The following POLRMT variants were observed in gnomAD, a reference collection of about 807,000 sequenced individuals.
POLRMT encodes the protein DNA-directed RNA polymerase, mitochondrial.
A neutral mutation model predicts 132.2 loss-of-function variants in POLRMT; 114 were observed. The observed-to-expected ratio is 0.86, with a 90% CI of 0.74 to 1.01. The LOEUF is 1.01. POLRMT is among the 50% of genes least tolerant of loss of function. The pLI, the probability that POLRMT is intolerant of heterozygous loss-of-function variation, is 0.00. For missense variants in POLRMT, 2,003 were observed against 1,729.1 expected (o/e 1.16, Z -2.81); for synonymous variants, 1,020 against 773.4 (o/e 1.32, Z -5.29).
At position 622,834 on chromosome 19, in the gene POLRMT, C is replaced by T. The variant is rs146178977; in HGVS notation, c.1442G>A (p.Arg481Gln). 2.5e-6 allele frequency: 4 copies of T among 1,596,924 alleles called. No homozygotes were observed. The highest frequency in any genetic ancestry group is 2.6e-6 in the Non-Finnish European group (3 of 1,172,730). ...AGGAAGACGCACCTGCAGGAGCATCCGCACCACCTCGCGCTCGTCCAGCAG... is the reference window on the plus strand; with the variant it reads ...AGGAAGACGCACCTGCAGGAGCATCTGCACCACCTCGCGCTCGTCCAGCAG... ...LCLLDEREVV[R>Q]MLLQVLQALP... Residue 481 changes from arginine to glutamine, a missense_variant, in exon 7 of 21, where the codon CGG becomes CAG. Transcript: ENST00000588649.
At chr19:618,180 T>C (rs1477304290) in intron 17 of POLRMT, 2 of 543,942 alleles carry the variant, frequency 3.7e-6, no homozygotes, top group Non-Finnish European at 6.6e-6. Flanking sequence ...CCGTGGCCGG[T>C]AGATTCTGCT....
intron 10 of POLRMT, 83 bp downstream of exon 10, chr19:620,975 G>A: frequency 1.2e-6 from 1 of 838,686 alleles, no homozygotes; most frequent in South Asian, 2.4e-5. Flanking sequence ...GGGGGCGCGG[G>A]GGCGCCGGGG....
Position 621,312 on chromosome 19 carries a change from G to A in POLRMT, c.2386C>T (p.Leu796=), listed in dbSNP as rs760600753. 2 of 1,597,994 alleles carry A rather than the reference G, an allele frequency of 1.3e-6. No homozygotes were observed. The highest frequency in any genetic ancestry group is 2.2e-5 in the South Asian group (2 of 90,470). The change falls in exon 10 of 21, where the codon CTG becomes TTG. Residue 796 remains leucine (L), a synonymous_variant. Transcript: ENST00000588649. ...AQHLRDRVFW[L]PHNMDFRGRT... ...CCGCGGAAGTCCATGTTGTGCGGCA[G>A]CCAGAAGACGCGGTCCCGCAGGTGC...
intron 17 of POLRMT, 28 bp from the exon 18 acceptor site, chr19:617,877 G>A: frequency 6.2e-7 from 1 of 1,608,768 alleles, no homozygotes; most frequent in East Asian, 2.2e-5. Context: ...ACTCCTGAAG[G>A]GAGGGGAGCT....
intron 5 of POLRMT, among the ~76,000 whole-genome samples, chr19:624,297 G>C (rs916632851): frequency 6.6e-6 from 1 of 152,208 alleles, no homozygotes; most frequent in African/African-American, 2.4e-5. Flanking sequence ...GGGGAGTGAC[G>C]GGGATGGGGA....
chr19:618,890 T>G, intron 15 of POLRMT, 107 bp downstream of exon 15: 1 of 1,356,594 alleles, frequency 7.4e-7, no homozygotes, highest in Non-Finnish European at 1.0e-6. Context: ...GGTGGCACAC[T>G]GGGGCGGTGG....
At position 622,945 on chromosome 19, in the gene POLRMT, G is replaced by A. The variant is rs148655029; in HGVS notation, c.1331C>T (p.Ala444Val). 619 of 1,612,860 alleles carry A rather than the reference G, an allele frequency of 3.8e-4. No individual in the cohort carries two copies. Among genetic ancestry groups the A allele is most frequent in the Non-Finnish European group, 4.8e-4 (567 of 1,179,944 alleles). Residue 444 changes from alanine to valine, a missense_variant, in exon 7 of 21, where the codon GCA becomes GTA. Physicochemically the swap from Ala to Val is moderately conservative, Grantham distance 64. Coordinates refer to ENST00000588649, the MANE Select transcript of POLRMT (RefSeq NM_005035.4). Reference protein sequence around the residue: ...LKTLRDQWEKALCRALRETKN... With the variant: ...LKTLRDQWEKVLCRALRETKN... ...GGTCTCCCGCAGCGCCCGGCACAGT[G>A]CTTTCTCCCATTGGTCCCGCAGGGT... is the stretch of plus-strand genomic sequence containing the variant.
chr19:624,471 C>A (rs1217983417), intron 5 of POLRMT, among the ~76,000 whole-genome samples: 2 of 152,182 alleles, frequency 1.3e-5, no homozygotes. Flanking sequence ...AAACGCACTG[C>A]TCTCCTGTCA....
chr19:631,786 G>A (rs1985437789), intron 2 of POLRMT, among the ~76,000 whole-genome samples: 1 of 152,192 alleles, frequency 6.6e-6, no homozygotes, highest in African/African-American at 2.4e-5. Context: ...TCGTTGCCCA[G>A]GCTAGAGTGC....
intron 3 of POLRMT, among the ~76,000 whole-genome samples, chr19:628,361 G>T (rs1350192517): frequency 6.6e-6 from 1 of 152,176 alleles, no homozygotes; most frequent in South Asian, 2.1e-4. Context: ...CAGTCCTCCC[G>T]GAGTCTGGCG....
At chr19:632,334 A>T (rs952096906) in intron 2 of POLRMT, among the ~76,000 whole-genome samples, 2 of 152,140 alleles carry the variant, frequency 1.3e-5, no homozygotes, top group African/African-American at 4.8e-5. Flanking sequence ...GGAAGCAAGC[A>T]CAGGGAAGCT....
In POLRMT at chr19:622,235, T is replaced by C. The variant is rs1260021501; in HGVS notation, c.1765A>G (p.Met589Val). ...LAEMLVQATQ[M>V]PCSLDKPHRS... The stretch of plus-strand genomic sequence containing the variant: ...TGCGGCTTGTCCAGGCTGCATGGCA[T>C]CTGCGTAGCCTGCACCAGCATCTCC... The change falls in exon 9 of 21, where the codon ATG becomes GTG. Residue 589 changes from methionine (M) to valine (V), a missense_variant. Met to Val is a conservative substitution (Grantham distance 21, BLOSUM62 1). Coordinates refer to ENST00000588649, the MANE Select transcript of POLRMT (RefSeq NM_005035.4). 1.3e-6 allele frequency: 2 copies of C among 1,561,404 alleles called. No individual in the cohort carries two copies. Among genetic ancestry groups the C allele is most frequent in the Admixed American group, 1.9e-5 (1 of 52,894 alleles).
chr19:620,677 G>A (rs186792006), intron 10 of POLRMT, among the ~76,000 whole-genome samples, 190 bp from the exon 11 acceptor site: 35 of 149,568 alleles, frequency 2.3e-4, no homozygotes, highest in African/African-American at 8.6e-4. Flanking sequence ...GAGGATGGGA[G>A]CTGCGGGTGG....
intron 5 of POLRMT, 149 bp downstream of exon 5, chr19:624,570 A>G (rs759624800): frequency 2.2e-6 from 2 of 918,662 alleles, no homozygotes; most frequent in Non-Finnish European, 1.6e-6. Flanking sequence ...GGGTCCTCCC[A>G]TCTTCTCAGA....
Position 620,160 on chromosome 19 carries a change from G to GCCAA in POLRMT, c.2764-81_2764-80insTTGG, listed in dbSNP as rs1476373299. The GCCAA allele has an allele frequency of 4.6e-6, 7 of 1,514,544 alleles. No homozygotes were observed. The African/African-American group carries it at 9.6e-5, about 21-fold the overall frequency. The allele number at this position is 1,514,544 out of a possible 1,614,324, so 93.8% of individuals were successfully genotyped here. ...GACCCCAAACCACCCCCCAGGTCGAGCCGTTCCTAGGGCCGTGCACCCCCC... is the reference window on the plus strand; with the variant it reads ...GACCCCAAACCACCCCCCAGGTCGAGCCAACCGTTCCTAGGGCCGTGCACCCCCC... On this transcript the variant is annotated intron_variant, in intron 11 of 20. Coordinates refer to ENST00000588649, the MANE Select transcript of POLRMT (RefSeq NM_005035.4).
intron 2 of POLRMT, 73 bp downstream of exon 2, chr19:632,761 G>A (rs1985516487): frequency 6.1e-6 from 8 of 1,318,750 alleles, no homozygotes; most frequent in South Asian, 1.4e-5. Context: ...CTCAGAATCT[G>A]AGCCTTTGCC....
At chr19:619,406 G>C in intron 13 of POLRMT, 110 bp from the exon 14 acceptor site, 1 of 1,396,682 alleles carries the variant, frequency 7.2e-7, no homozygotes, top group Non-Finnish European at 1.0e-6. Flanking sequence ...TAGCAGGGGG[G>C]CAGGGGAATG....
chr19:621,052 C>T lies in POLRMT; in HGVS notation c.2640+6G>A. ...AGGGCGGGGAATGCGGGGGCCCCGC[C>T]CCTACCGTCAAGGGTTGGTCCGCGG... On this transcript the variant is annotated splice_donor_region_variant and intron_variant, in intron 10 of 20. Transcript: ENST00000588649. 2 of 1,588,370 alleles carry T rather than the reference C, an allele frequency of 1.3e-6. No individual in the cohort carries two copies. Among genetic ancestry groups the T allele is most frequent in the Non-Finnish European group, 1.7e-6 (2 of 1,171,486 alleles).
chr19:619,434 A>C (rs778430937), intron 13 of POLRMT, 138 bp from the exon 14 acceptor site: 18 of 1,347,726 alleles, frequency 1.3e-5, no homozygotes, highest in East Asian at 7.1e-5. Context: ...GCGCCCACGC[A>C]GTCAGCAAGA....
Sources: allele counts gnomAD v4.1 joint callset (sites outside exome capture counted in the v4.1 genomes callset), GRCh38; gene constraint gnomAD v4.1.1; transcripts MANE v1.5; gene names NCBI Gene and HGNC (gene_info 2026-07-23, HGNC 2026-07-21).